Variants in SLC27A4 observed in about 807,000 individuals in gnomAD.
SLC27A4 encodes long-chain fatty acid transport protein 4.
A neutral mutation model predicts 64.4 loss-of-function variants in SLC27A4; 33 were observed. That is an observed-to-expected ratio of 0.51 (90% CI 0.39 to 0.68). The LOEUF (loss-of-function observed/expected upper bound fraction) is 0.68, where lower values mean the gene tolerates loss of function less well. Among genes scored for constraint, SLC27A4 ranks in the 30% least tolerant of loss-of-function variants. The pLI is 0.00. For missense variants in SLC27A4, 824 were observed against 883.5 expected, an observed-to-expected ratio of 0.93 and a Z score of 0.85; for synonymous variants, 377 against 370.0, an observed-to-expected ratio of 1.02 and a Z score of -0.22.
At chr9:128,349,296 G>A (rs12376092) in intron 4 of SLC27A4, among the ~76,000 whole-genome samples, 1 of 152,118 alleles carries the variant, frequency 6.6e-6, no homozygotes, top group Non-Finnish European at 1.5e-5. Context: ...TTGGGCTGTC[G>A]AGTCAGATCC....
chr9:128,342,343 G>T (rs1431996395), intron 1 of SLC27A4: 1 of 1,611,914 alleles, frequency 6.2e-7, no homozygotes, highest in Admixed American at 1.7e-5. Flanking sequence ...GATTGAACAG[G>T]AGAAGCAAGC....
At chr9:128,343,681 G>A (rs1326105725) in intron 2 of SLC27A4, among the ~76,000 whole-genome samples, 1 of 152,164 alleles carries the variant, frequency 6.6e-6, no homozygotes, top group African/African-American at 2.4e-5. Context: ...ATGGCACAGG[G>A]GGCACTGAGT....
Position 128,348,693 on chromosome 9 carries a change from G to C in SLC27A4, c.705G>C (p.Lys235Asn), listed in dbSNP as rs770160175. The stretch of plus-strand genomic sequence containing the variant: ...AGCACCTTCCCAGTTGCCCTGACAA[G>C]GGCTTCACAGGTGGGCTCCATCCCC... ...APKHLPSCPD[K>N]GFTDKLFYIY... is the part of the protein sequence containing the mutation. Residue 235 changes from lysine (K) to asparagine (N), a missense_variant, in exon 4 of 13, where the codon AAG becomes AAC. By Grantham distance (94) the Lys-to-Asn change is moderately conservative (BLOSUM62 0). Coordinates refer to ENST00000300456, the MANE Select transcript of SLC27A4 (RefSeq NM_005094.4). 47 of 1,613,832 alleles carry C rather than the reference G, an allele frequency of 2.9e-5. No individual in the cohort carries two copies. The highest frequency in any genetic ancestry group is 3.9e-5 in the Non-Finnish European group (46 of 1,180,026).
chr9:128,355,746 T>C lies in SLC27A4; in HGVS notation c.1724T>C (p.Leu575Pro), dbSNP rs1227018337. Residue 575 changes from leucine (L) to proline (P), a missense_variant, in exon 12 of 13, where the codon CTG (leucine) becomes CCG (proline). Physicochemically the swap from Leu to Pro is moderately conservative, Grantham distance 98. Transcript: ENST00000300456. ...FAQVLEKELP[L>P]YARPIFLRLL... ...CAGGTCTTGGAGAAGGAACTGCCCC[T>C]GTATGCGCGCCCCATCTTCCTGCGC... 1 of 1,613,792 alleles carries C rather than the reference T, an allele frequency of 6.2e-7. No individual in the cohort carries two copies. Among genetic ancestry groups the C allele is most frequent in the Non-Finnish European group, 8.5e-7 (1 of 1,180,020 alleles).
At position 128,358,819 on chromosome 9, in the gene SLC27A4, G is replaced by A. The variant is rs145321825; in HGVS notation, c.1775-1515G>A. On this transcript the variant is annotated intron_variant, in intron 12 of 12. Coordinates refer to ENST00000300456, the MANE Select transcript of SLC27A4 (RefSeq NM_005094.4). ...GGCGCCGGTCTGGGCCCTCACCTGGGATGGCTCATCTCTGCTCCACGTGGC... is the reference window on the plus strand; with the variant it reads ...GGCGCCGGTCTGGGCCCTCACCTGGAATGGCTCATCTCTGCTCCACGTGGC... Among the ~76,000 whole-genome samples, 1,246 of 152,266 alleles carry A rather than the reference G, an allele frequency of 8.2e-3. 20 individuals carry two copies. Among genetic ancestry groups the A allele is most frequent in the African/African-American group, 0.028 (1,160 of 41,560 alleles).
chr9:128,350,624 G>A, intron 6 of SLC27A4, 49 bp downstream of exon 6: 3 of 1,394,568 alleles, frequency 2.2e-6, no homozygotes, highest in Non-Finnish European at 3.0e-6. Flanking sequence ...AGGTCTCTAG[G>A]AACCCCACCC....
chr9:128,360,568 G>A lies in SLC27A4; in HGVS notation c.*77G>A, dbSNP rs556373512. On this transcript the variant is annotated 3_prime_UTR_variant, in exon 13 of 13. Transcript: ENST00000300456. ...TCCGCCCCAGAGCGGTCCTGGACAA[G>A]GCCAGACCAAAGCAAGCAGGGCCTG... The A allele has an allele frequency of 1.3e-4, 202 of 1,544,702 alleles. No homozygotes were observed. Among genetic ancestry groups the A allele is most frequent in the Non-Finnish European group, 1.7e-4 (196 of 1,126,048 alleles).
Position 128,355,673 on chromosome 9 carries a change from G to A in SLC27A4, c.1651G>A (p.Ala551Thr), listed in dbSNP as rs1454051167. 1 of 1,611,900 alleles carries A rather than the reference G, an allele frequency of 6.2e-7. No individual in the cohort carries two copies. The highest frequency in any genetic ancestry group is 1.3e-5 in the African/African-American group (1 of 74,934). Residue 551 changes from alanine (A) to threonine (T), a missense_variant, in exon 12 of 13, where the codon GCT (alanine) becomes ACT (threonine). By Grantham distance (58) the Ala-to-Thr change is moderately conservative. Coordinates refer to ENST00000300456, the MANE Select transcript of SLC27A4 (RefSeq NM_005094.4). ...VPGTEGRAGM[A>T]AVASPTGNCD... is the part of the protein sequence containing the mutation. ...AGGAACCGAGGGCCGGGCCGGAATG[G>A]CTGCTGTGGCCAGCCCCACTGGCAA...
At chr9:128,360,022 A>G (rs1382209380) in intron 12 of SLC27A4, among the ~76,000 whole-genome samples, 1 of 151,760 alleles carries the variant, frequency 6.6e-6, no homozygotes, top group Non-Finnish European at 1.5e-5. Context: ...CAGTCAGAAG[A>G]CCTCCGTTCT....
At chr9:128,351,092 C>T (rs1009830673) in intron 6 of SLC27A4, among the ~76,000 whole-genome samples, 2 of 147,396 alleles carry the variant, frequency 1.4e-5, no homozygotes, top group African/African-American at 2.5e-5. Context: ...GACTCTGTCT[C>T]GGAAAAAAAA....
At chr9:128,354,326 C>T (rs1554800562) in intron 9 of SLC27A4, among the ~76,000 whole-genome samples, 1 of 152,158 alleles carries the variant, frequency 6.6e-6, no homozygotes, top group Non-Finnish European at 1.5e-5. Context: ...CTCCTTAGCT[C>T]TGTGTCATGG....
chr9:128,341,871 T>C (rs1832577776), intron 1 of SLC27A4, among the ~76,000 whole-genome samples: 1 of 152,188 alleles, frequency 6.6e-6, no homozygotes, highest in South Asian at 2.1e-4. Flanking sequence ...CCTGAGTAGC[T>C]GGGGTTACAG....
intron 1 of SLC27A4, chr9:128,342,312 T>C: frequency 1.2e-6 from 2 of 1,611,854 alleles, no homozygotes; most frequent in African/African-American, 1.3e-5. Context: ...AAGAGAAAAA[T>C]CCACTGCCTT....
At chr9:128,348,774 G>A (rs1198036280) in intron 4 of SLC27A4, 71 bp downstream of exon 4, 3 of 1,513,270 alleles carry the variant, frequency 2.0e-6, no homozygotes, top group Non-Finnish European at 2.7e-6. Flanking sequence ...CTCAGTGCCA[G>A]AAGGAGGCTT....
At chr9:128,341,059 G>C (rs1041581906) in intron 1 of SLC27A4, among the ~76,000 whole-genome samples, 1 of 152,228 alleles carries the variant, frequency 6.6e-6, no homozygotes, top group Admixed American at 6.5e-5. Context: ...TCTTGCCCCA[G>C]CCTTCCAGGA....
chr9:128,351,886 TA>T (rs1182447200), intron 6 of SLC27A4, among the ~76,000 whole-genome samples: 3 of 151,482 alleles, frequency 2.0e-5, no homozygotes, highest in African/African-American at 7.3e-5. Context: ...GACCTGTCTC[TA>T]AAAAAAATTT....
At chr9:128,346,828 C>T (rs1367037698) in intron 3 of SLC27A4, among the ~76,000 whole-genome samples, 1 of 150,880 alleles carries the variant, frequency 6.6e-6, no homozygotes, top group African/African-American at 2.4e-5. Context: ...GGTGAAACCC[C>T]GTCTCTAATA....
At chr9:128,350,454 C>T (rs746633296) in intron 5 of SLC27A4, 30 bp from the exon 6 acceptor site, 21 of 1,611,406 alleles carry the variant, frequency 1.3e-5, no homozygotes, top group African/African-American at 2.7e-5. Flanking sequence ...TTCTAGGGCC[C>T]GCTCAGCCCT....
Position 128,345,588 on chromosome 9 carries a change from T to C in SLC27A4, c.556+39T>C. On this transcript the variant is annotated intron_variant, in intron 3 of 12. Transcript: ENST00000300456. This position sits in a 1 kb window ranked among gnomAD's most constrained non-coding sequence, Gnocchi z 4.1. ...GGGCGGGGGACAAGCAGGAACCCCA[T>C]GGGATCTTACACAGACCACAGCTCC... 6.4e-7 allele frequency: 1 copy of C among 1,566,278 alleles called. No individual in the cohort carries two copies. Among genetic ancestry groups the C allele is most frequent in the Non-Finnish European group, 8.6e-7 (1 of 1,162,808 alleles).
Sources: allele counts gnomAD v4.1 joint callset (sites outside exome capture counted in the v4.1 genomes callset), GRCh38; gene constraint gnomAD v4.1.1; non-coding constraint Gnocchi (gnomAD v3.1); transcripts MANE v1.5; gene names NCBI Gene and HGNC (gene_info 2026-07-23, HGNC 2026-07-21).